The following DENND2B variants were observed in gnomAD, a reference collection of about 807,000 sequenced individuals.
The protein encoded by DENND2B is DENN domain-containing protein 2B.
A neutral mutation model predicts 116.0 loss-of-function variants in DENND2B; 32 were observed. The ratio of observed to expected loss-of-function variants is 0.28; its 90% CI spans 0.21 to 0.37. The LOEUF (loss-of-function observed/expected upper bound fraction) is 0.37. Among genes scored for constraint, DENND2B ranks in the 10% least tolerant of loss-of-function variants. DENND2B has a pLI of 1.00. For missense variants in DENND2B, 1,276 were observed against 1,477.7 expected, an observed-to-expected ratio of 0.86 and a Z score of 2.24; for synonymous variants, 588 against 583.9, an observed-to-expected ratio of 1.01 and a Z score of -0.10.
rs148933993 is a variant in DENND2B, at chr11:8,836,650, G to A, written c.-115+2660C>T. ...TTGGCCAGCCTGGTCTCAAACTCCT[G>A]ACCTCATGATCCACCCGCCTCAGCC... On this transcript the variant is annotated intron_variant, in intron 4 of 6. Coordinates refer to the DENND2B transcript ENST00000524757. Among the ~76,000 whole-genome samples the A allele has an allele frequency of 4.6e-3, 704 of 152,014 alleles. 8 individuals carry two copies. Among genetic ancestry groups the A allele is most frequent in the African/African-American group, 0.016 (675 of 41,436 alleles).
In DENND2B at chr11:8,727,064, C is replaced by T. The variant is rs192660639; in HGVS notation, c.1341-855G>A. Among the ~76,000 whole-genome samples, 302 of 152,286 alleles carry T rather than the reference C, an allele frequency of 2.0e-3. 3 individuals carry two copies. Among genetic ancestry groups the T allele is most frequent in the South Asian group, 1.0e-2 (48 of 4,824 alleles). On this transcript the variant is annotated intron_variant, in intron 3 of 19. Coordinates refer to ENST00000313726, the MANE Select transcript of DENND2B (RefSeq NM_213618.2). ...CCCTGAGCCTACAGCACTCTCTGCC[C>T]CTCTCCTTCATGAGAGAGGTACGTC...
intron 1 of DENND2B, among the ~76,000 whole-genome samples, chr11:8,898,450 A>G (rs2064128492): frequency 6.6e-6 from 1 of 152,232 alleles, no homozygotes; most frequent in Non-Finnish European, 1.5e-5. Flanking sequence ...GCTACACACT[A>G]CAGGAAAGAA....
At chr11:8,722,057 G>A (rs1385061706) in intron 4 of DENND2B, among the ~76,000 whole-genome samples, 1 of 152,256 alleles carries the variant, frequency 6.6e-6, no homozygotes, top group Non-Finnish European at 1.5e-5. Context: ...TCTTCCAGGG[G>A]CAGATGTGAG....
At chr11:8,855,288 AG>A (rs1190361063) in intron 3 of DENND2B, among the ~76,000 whole-genome samples, 2 of 151,886 alleles carry the variant, frequency 1.3e-5, no homozygotes, top group African/African-American at 4.8e-5. Flanking sequence ...CCAAGCAAGG[AG>A]GGGAAGACTA....
intron 4 of DENND2B, chr11:8,718,365 G>A (rs901607714): frequency 7.4e-5 from 113 of 1,535,262 alleles, no homozygotes; most frequent in South Asian, 2.3e-4. Context: ...CTACTTTGGA[G>A]GGTGGGCATG....
At chr11:8,846,864 T>C (rs2062833373) in intron 3 of DENND2B, among the ~76,000 whole-genome samples, 1 of 152,260 alleles carries the variant, frequency 6.6e-6, no homozygotes. Flanking sequence ...TGTAGGTGTT[T>C]GATGCCTCTC....
intron 17 of DENND2B, 95 bp from the exon 18 acceptor site, chr11:8,696,761 T>G: frequency 6.5e-7 from 1 of 1,529,350 alleles, no homozygotes; most frequent in Non-Finnish European, 8.8e-7. Flanking sequence ...CCAACAAGAC[T>G]TCCAGCCAGT....
intron 2 of DENND2B, chr11:8,870,714 C>A (rs930126380): frequency 1.3e-5 from 2 of 152,312 alleles, no homozygotes; most frequent in Non-Finnish European, 1.5e-5. Flanking sequence ...GTTCCCCACC[C>A]CCAACCGCGC....
At chr11:8,788,335 T>C (rs1005748869) in intron 1 of DENND2B, among the ~76,000 whole-genome samples, 4 of 152,174 alleles carry the variant, frequency 2.6e-5, no homozygotes, top group African/African-American at 9.7e-5. Context: ...CCCACCTATG[T>C]ATCACAATTC....
At chr11:8,830,725 G>C (rs1323817468) in intron 4 of DENND2B, 1 of 152,162 alleles carries the variant, frequency 6.6e-6, no homozygotes, top group East Asian at 1.9e-4. Flanking sequence ...ACCCACTCTG[G>C]TGGGGGAAAG....
rs1050952138 is a variant in DENND2B at position 8,730,853 on chromosome 11, C to G, written c.437G>C (p.Gly146Ala). The G allele has an allele frequency of 1.2e-6, 2 of 1,613,358 alleles. No homozygotes were observed. The highest frequency in any genetic ancestry group is 1.7e-6 in the Non-Finnish European group (2 of 1,179,984). ...ACGGGTCAGCAAGACGCCCCGGGGG[C>G]CAGCTGCTGGCCCCGGGAATGGCGT... is the stretch of plus-strand genomic sequence containing the variant. ...QSTPFPGPAA[G>A]PRGVLLTRTG... The change falls in exon 3 of 20, where the codon GGC becomes GCC. Residue 146 changes from glycine to alanine, a missense_variant. Gly to Ala is a moderately conservative substitution (Grantham distance 60). Around this residue, in one of 2 missense-constraint regions of DENND2B, gnomAD observed 856 missense variants for 846.6 expected, o/e 1.01. Transcript: ENST00000313726. This position sits in a 1 kb window ranked among gnomAD's most constrained non-coding sequence, Gnocchi z 4.1.
intron 1 of DENND2B, among the ~76,000 whole-genome samples, chr11:8,806,908 C>CTTTTTTTTTT (rs71059181): frequency 1.4e-5 from 2 of 146,492 alleles, no homozygotes; most frequent in Non-Finnish European, 3.0e-5. Flanking sequence ...GCCAGATGGT[C>CTTTTTTTTTT]TTTTTTTTTT....
chr11:8,716,461 G>T (rs572662226), intron 5 of DENND2B, among the ~76,000 whole-genome samples: 7 of 152,048 alleles, frequency 4.6e-5, no homozygotes, highest in Non-Finnish European at 7.4e-5. Context: ...CATCCTTGTC[G>T]CGGACCCTGT....
At chr11:8,858,566 TG>T (rs1485163926) in intron 2 of DENND2B, among the ~76,000 whole-genome samples, 3 of 152,112 alleles carry the variant, frequency 2.0e-5, no homozygotes, top group Admixed American at 6.5e-5. Flanking sequence ...CAGGAGCAGA[TG>T]GGAGAGCTGG....
chr11:8,748,588 T>C (rs969459580), intron 2 of DENND2B, among the ~76,000 whole-genome samples: 6 of 150,288 alleles, frequency 4.0e-5, no homozygotes, highest in African/African-American at 1.3e-4. Context: ...GGCCTGCAAC[T>C]TCACACCAAA....
Position 8,719,927 on chromosome 11 carries a change from C to T in DENND2B, c.1478-2035G>A, listed in dbSNP as rs115308156. ...CCCAATCCCAGGGGTTTCTCCAAGCCACTGACATTTGGGGTTGAATAATTC... is the reference window on the plus strand; with the variant it reads ...CCCAATCCCAGGGGTTTCTCCAAGCTACTGACATTTGGGGTTGAATAATTC... On this transcript the variant is annotated intron_variant, in intron 4 of 19. Transcript: ENST00000313726. Among the ~76,000 whole-genome samples, 706 of 152,310 alleles carry T rather than the reference C, an allele frequency of 4.6e-3. 6 individuals are homozygous for T. Among genetic ancestry groups the T allele is most frequent in the African/African-American group, 0.016 (684 of 41,558 alleles).
In DENND2B at chr11:8,754,029, G is replaced by GCACA. The variant is rs60488372; in HGVS notation, c.-25-3308_-25-3305dup. Among the ~76,000 whole-genome samples the GCACA allele has an allele frequency of 5.2e-3, 719 of 138,812 alleles. 7 individuals are homozygous for GCACA. The highest frequency in any genetic ancestry group is 0.018 in the African/African-American group (652 of 36,606). 91.1% of individuals were successfully genotyped at this position (138,812 alleles called of 152,430 possible). Reference sequence around the variant, plus strand: ...TTCTTAGATATAACACCAAAAGCGCGCACACACACACACACACACACACAC... The same window carrying GCACA: ...TTCTTAGATATAACACCAAAAGCGCGCACACACACACACACACACACACACACAC... On this transcript the variant is annotated intron_variant, in intron 1 of 19. Transcript: ENST00000313726.
chr11:8,799,696 A>C (rs1391908289), intron 1 of DENND2B, among the ~76,000 whole-genome samples: 1 of 151,042 alleles, frequency 6.6e-6, no homozygotes, highest in East Asian at 2.0e-4. Context: ...CTCCTGCCTC[A>C]GCTTCCTAAG....
chr11:8,874,087 A>T (rs979171974), upstream of DENND2B, among the ~76,000 whole-genome samples: 6 of 152,262 alleles, frequency 3.9e-5, no homozygotes, highest in Non-Finnish European at 2.9e-5. Context: ...AGATTTGAGC[A>T]TAAACATCCT....
Sources: gnomAD v4.1 joint callset for allele counts (sites outside exome capture counted in the v4.1 genomes callset) on GRCh38, gnomAD v4.1.1 for gene constraint, gnomAD v4.1.1 regional missense constraint, Gnocchi (gnomAD v3.1) non-coding constraint, MANE v1.5 for transcripts, NCBI Gene and HGNC (gene_info 2026-07-23, HGNC 2026-07-21) for gene names.